The following CHD6 variants were observed in gnomAD, a reference collection of about 807,000 sequenced individuals.
CHD6 encodes the protein ATP-dependent chromatin remodeler CHD6.
A neutral mutation model predicts 276.9 loss-of-function variants in CHD6; 50 were observed. The observed-to-expected ratio is 0.18, with a 90% confidence interval of 0.14 to 0.23. The LOEUF is 0.23. CHD6 is among the 10% of genes least tolerant of loss of function. CHD6 has a pLI of 1.00. For missense variants in CHD6, 2,564 were observed against 3,365.8 expected, an observed-to-expected ratio of 0.76 and a Z score of 5.89; for synonymous variants, 1,173 against 1,229.3, an observed-to-expected ratio of 0.95 and a Z score of 0.96.
chr20:41,525,366 A>G (rs2044505687), intron 3 of CHD6, among the ~76,000 whole-genome samples: 1 of 152,130 alleles, frequency 6.6e-6, no homozygotes, highest in Non-Finnish European at 1.5e-5. Flanking sequence ...CAGTCCCTTA[A>G]TCAGCCACCT....
intron 1 of CHD6, among the ~76,000 whole-genome samples, chr20:41,579,866 T>C (rs2045517704): frequency 1.3e-5 from 2 of 152,220 alleles, no homozygotes; most frequent in South Asian, 4.1e-4. Context: ...CCAACACTCA[T>C]ATATTTTTAT....
chr20:41,588,821 T>C (rs6513733), intron 1 of CHD6, among the ~76,000 whole-genome samples: 8,194 of 152,226 alleles, frequency 0.054, 763 homozygotes, highest in African/African-American at 0.19. Context: ...TCTCCCCTTA[T>C]AGGATATGGT....
intron 30 of CHD6, 83 bp downstream of exon 30, chr20:41,423,409 G>T: frequency 7.6e-7 from 1 of 1,324,266 alleles, no homozygotes; most frequent in Non-Finnish European, 1.1e-6. Flanking sequence ...GTTTTTATAG[G>T]TATACCTAAA....
intron 27 of CHD6, among the ~76,000 whole-genome samples, chr20:41,437,052 T>C (rs988602853): frequency 1.3e-5 from 2 of 152,222 alleles, no homozygotes; most frequent in Admixed American, 6.5e-5. Flanking sequence ...TTATATTTTG[T>C]GACTGCTTCT....
At chr20:41,411,704 T>C (rs1227411903) in intron 36 of CHD6, among the ~76,000 whole-genome samples, 1 of 152,194 alleles carries the variant, frequency 6.6e-6, no homozygotes, top group East Asian at 1.9e-4. Flanking sequence ...AAAAGGGTAG[T>C]GCTTAGAGGC....
intron 28 of CHD6, among the ~76,000 whole-genome samples, chr20:41,425,788 TA>T (rs3215512): frequency 1.8e-4 from 26 of 141,796 alleles, no homozygotes; most frequent in African/African-American, 1.5e-4. Context: ...AACCTTTCTT[TA>T]AAAAAAAAAA....
intron 1 of CHD6, among the ~76,000 whole-genome samples, chr20:41,563,264 C>A (rs148933380): frequency 9.2e-5 from 14 of 152,172 alleles, no homozygotes; most frequent in East Asian, 3.8e-4. Flanking sequence ...ATTCTGAGAA[C>A]CTTCCTGTGG....
Position 41,497,395 on chromosome 20 carries a change from T to C in CHD6, c.1081A>G (p.Ile361Val), listed in dbSNP as rs781083449. 2.7e-5 allele frequency: 43 copies of C among 1,609,694 alleles called. No individual in the cohort carries two copies. Among genetic ancestry groups the C allele is most frequent in the Non-Finnish European group, 3.4e-5 (40 of 1,176,118 alleles). The part of the protein sequence containing the change: ...FRNKQAQMKH[I>V]FTEPDEDLFN... ...AAATATTGCTTCACCTCCGTAAAAA[T>C]GTGCTTCATCTGGGCTTGTTTATTC... Residue 361 changes from isoleucine (I) to valine (V), a missense_variant, in exon 8 of 37, where the codon ATT (isoleucine) becomes GTT (valine). Transcript: ENST00000373233.
intron 1 of CHD6, among the ~76,000 whole-genome samples, chr20:41,613,750 G>A (rs6029736): frequency 9.2e-5 from 14 of 152,304 alleles, no homozygotes; most frequent in African/African-American, 2.2e-4. Flanking sequence ...AAGGTATGGC[G>A]ATAGGGGTAT....
chr20:41,451,863 G>T lies in CHD6; in HGVS notation c.3486C>A (p.Thr1162=), dbSNP rs763396684. Residue 1162 remains threonine, a synonymous_variant, in exon 22 of 37, where the codon ACC becomes ACA. Coordinates refer to ENST00000373233, the MANE Select transcript of CHD6 (RefSeq NM_032221.5). ...GGAGGGTCTGGGCTTGCCCATCTTT[G>T]GTAGGTGTGATCAGTTCCCAAATGA... ...KSFIWELITP[T]KDGQAQTLQN... 2.5e-6 allele frequency: 4 copies of T among 1,614,102 alleles called. No homozygotes were observed. The Admixed American group carries it at 6.7e-5, about 27-fold the overall frequency.
intron 1 of CHD6, among the ~76,000 whole-genome samples, chr20:41,560,791 A>G (rs922392175): frequency 6.6e-6 from 1 of 150,958 alleles, no homozygotes; most frequent in African/African-American, 2.4e-5. Flanking sequence ...TTTCAAATAC[A>G]TGTACTTAGC....
At chr20:41,489,753 G>C in intron 12 of CHD6, 25 bp downstream of exon 12, 1 of 1,613,396 alleles carries the variant, frequency 6.2e-7, no homozygotes, top group Non-Finnish European at 8.5e-7. Flanking sequence ...CAGTCCCTGG[G>C]TCTCTGATCT....
intron 16 of CHD6, among the ~76,000 whole-genome samples, chr20:41,475,981 T>C (rs2043159539): frequency 6.6e-6 from 1 of 152,088 alleles, no homozygotes; most frequent in Non-Finnish European, 1.5e-5. Flanking sequence ...TTTGAGGGAG[T>C]GCTCTCAAAG....
chr20:41,562,749 C>T lies in CHD6; in HGVS notation c.-23-11389G>A, dbSNP rs773183870. On this transcript the variant is annotated intron_variant, in intron 1 of 36. Coordinates refer to ENST00000373233, the MANE Select transcript of CHD6 (RefSeq NM_032221.5). ...AAAAGAGGGCCATGAGGACAGGGACCGTATCTATTTTGACTATTGTCTAAC... is the reference window on the plus strand; with the variant it reads ...AAAAGAGGGCCATGAGGACAGGGACTGTATCTATTTTGACTATTGTCTAAC... Among the ~76,000 whole-genome samples the T allele has an allele frequency of 4.8e-4, 73 of 152,014 alleles. 1 individual carries two copies. Among genetic ancestry groups the T allele is most frequent in the Non-Finnish European group, 1.9e-4 (13 of 67,998 alleles).
chr20:41,471,628 T>G (rs6029699), intron 17 of CHD6, among the ~76,000 whole-genome samples: 32,832 of 151,746 alleles, frequency 0.22, 3,841 homozygotes, highest in East Asian at 0.39. Context: ...CTCCGCCTCG[T>G]GGGTTCATGC....
chr20:41,528,423 C>A (rs1199810525), intron 3 of CHD6, among the ~76,000 whole-genome samples: 1 of 152,106 alleles, frequency 6.6e-6, no homozygotes, highest in African/African-American at 2.4e-5. Flanking sequence ...TGGAATAAGG[C>A]ACTATAATTT....
chr20:41,547,775 C>A (rs1159653697), intron 2 of CHD6: 6 of 530,152 alleles, frequency 1.1e-5, no homozygotes, highest in African/African-American at 7.7e-5. Flanking sequence ...AGATGCAGCA[C>A]CAATCTTTAG....
chr20:41,457,220 G>C, intron 18 of CHD6, 44 bp downstream of exon 18: 1 of 1,587,924 alleles, frequency 6.3e-7, no homozygotes, highest in Non-Finnish European at 8.6e-7. Flanking sequence ...TGGGCTGTGC[G>C]ACCAATGTTC....
intron 1 of CHD6, among the ~76,000 whole-genome samples, chr20:41,597,509 T>C (rs1255759634): frequency 3.9e-5 from 6 of 152,042 alleles, no homozygotes; most frequent in African/African-American, 1.4e-4. Context: ...CATGTCCTTA[T>C]CAGAAGTTGG....
Sources: gnomAD v4.1 joint callset for allele counts (sites outside exome capture counted in the v4.1 genomes callset) on GRCh38, gnomAD v4.1.1 for gene constraint, MANE v1.5 for transcripts, NCBI Gene and HGNC (gene_info 2026-07-23, HGNC 2026-07-21) for gene names.